Variants in KAZN observed in about 807,000 individuals in gnomAD.
KAZN encodes kazrin.
A neutral mutation model predicts 87.4 loss-of-function variants in KAZN; 40 were observed. That is an observed-to-expected ratio of 0.46 (90% CI 0.36 to 0.60). The LOEUF is 0.60. Among genes scored for constraint, KAZN ranks in the 20% least tolerant of loss-of-function variants. KAZN has a pLI of 0.00. For synonymous variants in KAZN, 466 were observed against 458.3 expected (o/e 1.02, Z -0.22); for missense variants, 898 against 1,073.9 (o/e 0.84, Z 2.29).
intron 3 of KAZN, among the ~76,000 whole-genome samples, chr1:15,042,932 C>G (rs1356340655): frequency 6.6e-6 from 1 of 152,196 alleles, no homozygotes; most frequent in Non-Finnish European, 1.5e-5. Context: ...CTGTCCTTCT[C>G]AAAAGGACGC....
chr1:14,253,862 G>A (rs1461197767), intron 2 of KAZN, among the ~76,000 whole-genome samples: 2 of 150,258 alleles, frequency 1.3e-5, no homozygotes, highest in African/African-American at 4.9e-5. Flanking sequence ...AGATGTATGA[G>A]CTCCTGCAGT....
intron 2 of KAZN, among the ~76,000 whole-genome samples, chr1:14,349,908 G>T (rs974594307): frequency 6.6e-6 from 1 of 151,984 alleles, no homozygotes; most frequent in Non-Finnish European, 1.5e-5. Context: ...AGGCGGAGGA[G>T]GGCGGATCAC....
At chr1:14,974,995 G>C (rs1665450540) in intron 2 of KAZN, among the ~76,000 whole-genome samples, 1 of 152,252 alleles carries the variant, frequency 6.6e-6, no homozygotes, top group Admixed American at 6.5e-5. Context: ...CCTGCGGATA[G>C]AGCATTGTAG....
chr1:14,739,888 A>G (rs185057377), intron 1 of KAZN, among the ~76,000 whole-genome samples: 16 of 152,212 alleles, frequency 1.1e-4, no homozygotes, highest in Admixed American at 9.2e-4. Context: ...TGGGATTTCT[A>G]CAAGCAGAAA....
At chr1:15,006,041 G>C (rs1668968043) in intron 2 of KAZN, among the ~76,000 whole-genome samples, 1 of 152,118 alleles carries the variant, frequency 6.6e-6, no homozygotes, top group Admixed American at 6.5e-5. Context: ...TTGAACCCTG[G>C]GACTGTGAGC....
At chr1:14,224,977 TAATA>T (rs1229995297) in intron 2 of KAZN, among the ~76,000 whole-genome samples, 1 of 152,140 alleles carries the variant, frequency 6.6e-6, no homozygotes, top group African/African-American at 2.4e-5. Flanking sequence ...GTAGTTTAAT[TAATA>T]AATGTTCAAA....
intron 1 of KAZN, among the ~76,000 whole-genome samples, chr1:14,097,018 G>A (rs1000500224): frequency 2.0e-5 from 3 of 152,222 alleles, no homozygotes; most frequent in Admixed American, 1.3e-4. Context: ...GAAAGTCCAG[G>A]TGATGCTTTT....
At chr1:14,335,392 G>T (rs908412187) in intron 2 of KAZN, among the ~76,000 whole-genome samples, 1 of 151,852 alleles carries the variant, frequency 6.6e-6, no homozygotes. Flanking sequence ...TAGTAGAGAC[G>T]GGGTTTCACC....
Position 13,964,381 on chromosome 1 carries a change from G to A in KAZN, c.91+70625G>A, listed in dbSNP as rs549355906. Reference sequence around the variant, plus strand: ...AGGTAAATCAGTCAGCTACTGCTGCGTAACAAATAGTCACACAACCTGATG... The same window carrying A: ...AGGTAAATCAGTCAGCTACTGCTGCATAACAAATAGTCACACAACCTGATG... On this transcript the variant is annotated intron_variant, in intron 1 of 16. Coordinates refer to the KAZN transcript ENST00000636203. Among the ~76,000 whole-genome samples the A allele has an allele frequency of 1.6e-3, 242 of 152,320 alleles. 1 individual carries two copies. The highest frequency in any genetic ancestry group is 0.01 in the Middle Eastern group (3 of 294).
chr1:13,942,213 C>T (rs1640953706), intron 1 of KAZN, among the ~76,000 whole-genome samples: 4 of 152,102 alleles, frequency 2.6e-5, no homozygotes, highest in Admixed American at 1.3e-4. Flanking sequence ...TTCACTCTAC[C>T]TCAAAGCAGA....
intron 1 of KAZN, among the ~76,000 whole-genome samples, chr1:14,101,423 G>A (rs543706722): frequency 6.6e-6 from 1 of 152,270 alleles, no homozygotes; most frequent in South Asian, 2.1e-4. Flanking sequence ...TCTTGTTCAA[G>A]GTGATAAAAC....
At chr1:14,589,741 T>C (rs1676077169) in intron 2 of KAZN, among the ~76,000 whole-genome samples, 1 of 152,204 alleles carries the variant, frequency 6.6e-6, no homozygotes. Flanking sequence ...CCTCTGGTCT[T>C]GTGGTACCTA....
At chr1:14,321,144 C>A (rs1656022708) in intron 2 of KAZN, among the ~76,000 whole-genome samples, 1 of 152,162 alleles carries the variant, frequency 6.6e-6, no homozygotes, top group Non-Finnish European at 1.5e-5. Flanking sequence ...TTCTTAAATG[C>A]TCATCAAGGC....
At chr1:14,920,758 C>G (rs533419181) in intron 1 of KAZN, among the ~76,000 whole-genome samples, 2 of 152,210 alleles carry the variant, frequency 1.3e-5, no homozygotes, top group East Asian at 3.9e-4. Flanking sequence ...GGTCACATGC[C>G]CAGAAGCTGG....
intron 1 of KAZN, among the ~76,000 whole-genome samples, chr1:14,834,302 C>T (rs975169114): frequency 3.0e-4 from 45 of 150,088 alleles, no homozygotes; most frequent in African/African-American, 1.1e-3. Context: ...TCCCAAAGTT[C>T]TGGGATTACA....
At chr1:14,200,544 A>G (rs1203264610) in intron 2 of KAZN, among the ~76,000 whole-genome samples, 1 of 152,204 alleles carries the variant, frequency 6.6e-6, no homozygotes, top group Non-Finnish European at 1.5e-5. Context: ...ATTTGGATTG[A>G]GCCCAGTTTG....
intron 1 of KAZN, among the ~76,000 whole-genome samples, chr1:14,160,588 T>A (rs1318638368): frequency 6.6e-6 from 1 of 152,232 alleles, no homozygotes; most frequent in Non-Finnish European, 1.5e-5. Flanking sequence ...TTGGCTCTTA[T>A]GAAGGTGCTT....
At chr1:14,423,543 A>G (rs866389324) in intron 2 of KAZN, among the ~76,000 whole-genome samples, 1 of 152,178 alleles carries the variant, frequency 6.6e-6, no homozygotes, top group African/African-American at 2.4e-5. Context: ...CCCCACACAC[A>G]GTACATGCAA....
At chr1:14,505,637 T>C (rs1571816239) in intron 2 of KAZN, among the ~76,000 whole-genome samples, 1 of 151,932 alleles carries the variant, frequency 6.6e-6, no homozygotes, top group South Asian at 2.1e-4. Flanking sequence ...GAGGGGAGAA[T>C]GAGAACTGAT....
Sources: allele counts gnomAD v4.1 joint callset (sites outside exome capture counted in the v4.1 genomes callset), GRCh38; gene constraint gnomAD v4.1.1; transcripts MANE v1.5; gene names NCBI Gene and HGNC (gene_info 2026-07-23, HGNC 2026-07-21).